The following CNPPD1 variants were observed in gnomAD, a reference collection of about 807,000 sequenced individuals.
CNPPD1 encodes the protein protein CNPPD1.
CNPPD1 carries 40 observed loss-of-function variants against 43.7 expected under a neutral mutation model. The observed-to-expected ratio is 0.92, with a 90% CI of 0.71 to 1.19. The LOEUF (loss-of-function observed/expected upper bound fraction) is 1.19. Ranked by LOEUF, CNPPD1 falls within the 50% of genes most tolerant of loss-of-function variation. The pLI is 0.00. For missense variants in CNPPD1, 511 were observed against 518.5 expected (o/e 0.99, Z 0.14); for synonymous variants, 208 against 214.3 (o/e 0.97, Z 0.26).
At chr2:219,177,996 G>A (rs1950204747), upstream of CNPPD1, 1 of 158,706 alleles carries the variant, frequency 6.3e-6, no homozygotes, top group Non-Finnish European at 1.4e-5. Flanking sequence ...CCCCACACGG[G>A]GATACCGGGG....
intron 2 of CNPPD1, among the ~76,000 whole-genome samples, chr2:219,175,955 C>T (rs941374061): frequency 3.3e-5 from 5 of 152,196 alleles, no homozygotes; most frequent in African/African-American, 1.2e-4. Flanking sequence ...GCCTTGTTTA[C>T]TTGGGGAACA....
At chr2:219,177,636 C>T (rs77070764), upstream of CNPPD1, 5,209 of 152,022 alleles carry the variant, frequency 0.034, 103 homozygotes, top group African/African-American at 0.052. Context: ...GGCCTCAAAA[C>T]GTGTCAACAC....
chr2:219,177,084 A>C, upstream of CNPPD1: 1 of 417,220 alleles, frequency 2.4e-6, no homozygotes, highest in Non-Finnish European at 4.3e-6. Flanking sequence ...GGAGGTGTCA[A>C]GCGTCCGTGC....
At chr2:219,176,555 G>A (rs768447077) in intron 1 of CNPPD1, among the ~76,000 whole-genome samples, 5 of 152,196 alleles carry the variant, frequency 3.3e-5, no homozygotes, top group Non-Finnish European at 7.3e-5. Context: ...GAAGTTCTCC[G>A]AGAAGGGCCC....
chr2:219,176,412 G>T (rs1950162225), intron 1 of CNPPD1, 81 bp from the exon 2 acceptor site: 2 of 1,107,136 alleles, frequency 1.8e-6, no homozygotes, highest in Non-Finnish European at 2.7e-6. Flanking sequence ...GGAAGGCGGG[G>T]CAGGGGACAG....
intron 1 of CNPPD1, 54 bp from the exon 2 acceptor site, chr2:219,176,385 G>C (rs1366301326): frequency 7.4e-7 from 1 of 1,349,602 alleles, no homozygotes. Context: ...GTATGATGCA[G>C]ATCCTGGCTC....
At position 219,175,104 on chromosome 2, in the gene CNPPD1, C is replaced by A; in HGVS notation, c.265G>T (p.Ala89Ser). 1 of 1,596,864 alleles carries A rather than the reference C, an allele frequency of 6.3e-7. No homozygotes were observed. Among genetic ancestry groups the A allele is most frequent in the Non-Finnish European group, 8.5e-7 (1 of 1,172,278 alleles). Residue 89 changes from alanine to serine, a missense_variant, in exon 4 of 8, where the codon GCA (alanine) becomes TCA (serine). By Grantham distance (99) the Ala-to-Ser change is moderately conservative. Transcript: ENST00000360507. ...KKYVAHVSRE[A>S]CISPCAMMLA... is the part of the protein sequence containing the mutation. ...ATCATAGCACATGGGGAGATGCATG[C>A]CTCCCTGGGTGGTAGAAAGGATCAC...
At chr2:219,173,570 G>A in intron 6 of CNPPD1, 103 bp from the exon 7 acceptor site, 2 of 873,236 alleles carry the variant, frequency 2.3e-6, no homozygotes, top group Non-Finnish European at 3.6e-6. Context: ...TGGGAAGCCT[G>A]TTAAACCCAG....
upstream of CNPPD1, chr2:219,178,133 AGT>A (rs1246971546): frequency 7.8e-5 from 20 of 256,590 alleles, no homozygotes; most frequent in African/African-American, 4.8e-4. Flanking sequence ...GTGTAGGCGC[AGT>A]GTCAGCGGCA....
rs747740534 is a variant in CNPPD1, at chr2:219,173,144, T to G, written c.691-16A>C. ...GGCAAGACAGCTGCAGGAGAGGAGA[T>G]AAGAAAGAAGGAATCTGTCTTTAAC... On this transcript the variant is annotated splice_polypyrimidine_tract_variant and intron_variant, in intron 7 of 7. Coordinates refer to ENST00000360507, the MANE Select transcript of CNPPD1 (RefSeq NM_015680.6). The G allele has an allele frequency of 1.3e-6, 2 of 1,549,502 alleles. No individual in the cohort carries two copies. The highest frequency in any genetic ancestry group is 2.3e-5 in the East Asian group (1 of 44,366).
chr2:219,177,730 G>A (rs1950199876), upstream of CNPPD1: 1 of 152,200 alleles, frequency 6.6e-6, no homozygotes, highest in Non-Finnish European at 1.5e-5. Flanking sequence ...TGAGTAGGCC[G>A]AGGTGGGAAG....
Position 219,176,742 on chromosome 2 carries a change from G to A in CNPPD1, c.69+18C>T, listed in dbSNP as rs1950171370. On this transcript the variant is annotated intron_variant, in intron 1 of 7. Coordinates refer to ENST00000360507, the MANE Select transcript of CNPPD1 (RefSeq NM_015680.6). Reference sequence around the variant, plus strand: ...GGGCGCGCCGGGAGGCCGGGGAGGGGGCGGGACCCCCACTCACCGTGAAGT... The same window carrying A: ...GGGCGCGCCGGGAGGCCGGGGAGGGAGCGGGACCCCCACTCACCGTGAAGT... The A allele has an allele frequency of 1.9e-6, 3 of 1,554,888 alleles. No individual in the cohort carries two copies. Among genetic ancestry groups the A allele is most frequent in the Non-Finnish European group, 2.6e-6 (3 of 1,147,952 alleles).
chr2:219,174,985 T>A lies in CNPPD1; in HGVS notation c.381+3A>T. On this transcript the variant is annotated splice_donor_region_variant and intron_variant, in intron 4 of 7. Coordinates refer to ENST00000360507, the MANE Select transcript of CNPPD1 (RefSeq NM_015680.6). ...TTAGGGAGATGGGGAGGGGGTGTCT[T>A]ACCATGGAGATCAGGAACAAGTCAG... 6.2e-7 allele frequency: 1 copy of A among 1,613,978 alleles called. No individual in the cohort carries two copies. Among genetic ancestry groups the A allele is most frequent in the Non-Finnish European group, 8.5e-7 (1 of 1,180,006 alleles).
upstream of CNPPD1, chr2:219,177,450 A>C (rs1045272456): frequency 2.6e-5 from 4 of 152,370 alleles, no homozygotes; most frequent in African/African-American, 7.2e-5. Flanking sequence ...TTTAGGAGAG[A>C]TATTATACAT....
chr2:219,175,778 G>A (rs912916776), intron 2 of CNPPD1, 106 bp from the exon 3 acceptor site: 75 of 930,842 alleles, frequency 8.1e-5, no homozygotes, highest in African/African-American at 1.6e-5. Flanking sequence ...CTGAGGCCTT[G>A]GGGACAGGAC....
intron 1 of CNPPD1, 35 bp downstream of exon 1, chr2:219,176,725 C>A (rs771987269): frequency 7.1e-7 from 1 of 1,406,162 alleles, no homozygotes; most frequent in Non-Finnish European, 9.7e-7. Flanking sequence ...AGGGGCGCGC[C>A]GGGAGGCCGG....
At chr2:219,173,495 T>C (rs1950109838) in intron 6 of CNPPD1, 28 bp from the exon 7 acceptor site, 4 of 1,599,660 alleles carry the variant, frequency 2.5e-6, no homozygotes, top group Non-Finnish European at 3.4e-6. Flanking sequence ...ATGACAAGAG[T>C]ATGCAACTGT....
In CNPPD1 at chr2:219,176,904, C is replaced by T; in HGVS notation, c.-76G>A. 1 of 1,283,680 alleles carries T rather than the reference C, an allele frequency of 7.8e-7. No homozygotes were observed. The highest frequency in any genetic ancestry group is 1.1e-6 in the Non-Finnish European group (1 of 927,998). 79.5% of individuals were successfully genotyped at this position (1,283,680 alleles called of 1,614,324 possible). A position where few individuals can be genotyped will look rare whatever the true frequency, so the allele number is the denominator to read the frequency against. Reference sequence around the variant, plus strand: ...AGGGGGCTCGCGGAGCTGTCCTTGCCCGCCTGTCCACCTGCCAGCCTGCCT... The same window carrying T: ...AGGGGGCTCGCGGAGCTGTCCTTGCTCGCCTGTCCACCTGCCAGCCTGCCT... On this transcript the variant is annotated 5_prime_UTR_variant, in exon 1 of 8. Coordinates refer to ENST00000360507, the MANE Select transcript of CNPPD1 (RefSeq NM_015680.6).
Position 219,172,961 on chromosome 2 carries a change from T to G in CNPPD1, c.858A>C (p.Pro286=). The G allele has an allele frequency of 6.2e-7, 1 of 1,613,902 alleles. No homozygotes were observed. Among genetic ancestry groups the G allele is most frequent in the Non-Finnish European group, 8.5e-7 (1 of 1,179,950 alleles). Residue 286 remains proline (P), a synonymous_variant, in exon 8 of 8, where the codon CCA becomes CCC. Transcript: ENST00000360507. ...CATTAGCGAGAGACGGCAGGCATTG[T>G]GGCACAGAAGGTATGCAGGGCTCCA... ...CLLEPCIPSV[P]QCLPSLANVS... is the part of the protein sequence containing the mutation.
Sources: allele counts gnomAD v4.1 joint callset (sites outside exome capture counted in the v4.1 genomes callset), GRCh38; gene constraint gnomAD v4.1.1; transcripts MANE v1.5; gene names NCBI Gene and HGNC (gene_info 2026-07-23, HGNC 2026-07-21).